The following PDE7B variants were observed in gnomAD, a reference collection of about 807,000 sequenced individuals.
PDE7B encodes 3',5'-cyclic-AMP phosphodiesterase 7B.
In PDE7B, 29 loss-of-function variants were observed where a neutral mutation model predicts 56.2. The ratio of observed to expected loss-of-function variants is 0.52; its 90% confidence interval spans 0.38 to 0.70. PDE7B has a LOEUF of 0.70. Ranked by LOEUF, PDE7B falls within the 30% of genes least tolerant of loss-of-function variation. PDE7B has a pLI of 0.00. For synonymous variants in PDE7B, 197 were observed against 196.9 expected, an observed-to-expected ratio of 1.00 and a Z score of 0.00; for missense variants, 490 against 565.0, an observed-to-expected ratio of 0.87 and a Z score of 1.35.
chr6:136,128,562 CA>C (rs1205182108), intron 3 of PDE7B, among the ~76,000 whole-genome samples: 8 of 151,778 alleles, frequency 5.3e-5, no homozygotes, highest in African/African-American at 1.9e-4. Context: ...GGGACCCCCC[CA>C]CCCCTGGGCA....
At chr6:135,921,572 A>T (rs1055250812) in intron 1 of PDE7B, among the ~76,000 whole-genome samples, 1 of 151,592 alleles carries the variant, frequency 6.6e-6, no homozygotes, top group Admixed American at 6.6e-5. Flanking sequence ...CATTCTGAAG[A>T]TTTTTTTTTC....
chr6:135,853,359 G>C (rs1338947515), intron 1 of PDE7B, among the ~76,000 whole-genome samples: 1 of 152,210 alleles, frequency 6.6e-6, no homozygotes, highest in Non-Finnish European at 1.5e-5. Context: ...CTGAAATGCA[G>C]AGGATGTGCC....
At chr6:136,088,200 T>C (rs925093016) in intron 2 of PDE7B, among the ~76,000 whole-genome samples, 4 of 152,202 alleles carry the variant, frequency 2.6e-5, no homozygotes, top group East Asian at 3.9e-4. Context: ...CAGATGGAGA[T>C]TGATGTCATC....
At chr6:135,897,017 A>T (rs566196523) in intron 1 of PDE7B, among the ~76,000 whole-genome samples, 1 of 152,270 alleles carries the variant, frequency 6.6e-6, no homozygotes, top group Admixed American at 6.5e-5. Context: ...AGACTCTCTG[A>T]TACCTCTCTC....
chr6:136,128,894 C>A (rs769881508), intron 3 of PDE7B, among the ~76,000 whole-genome samples: 2 of 152,166 alleles, frequency 1.3e-5, no homozygotes, highest in African/African-American at 2.4e-5. Context: ...TCTGCTCCCC[C>A]CAAAGCCACC....
Position 136,147,590 on chromosome 6 carries a change from T to C in PDE7B, c.318+88T>C. On this transcript the variant is annotated intron_variant, in intron 4 of 12. Transcript: ENST00000308191. ...TAGCACTGGTGTTGGAGTCCTACTC[T>C]GCCTCTGAGGAGCTCTGTGACCCTG... 3 of 1,093,276 alleles carry C rather than the reference T, an allele frequency of 2.7e-6. No homozygotes were observed. In the South Asian group the frequency reaches 4.2e-5, roughly 15 times the overall value. 67.7% of individuals were successfully genotyped at this position (1,093,276 alleles called of 1,614,324 possible).
chr6:136,097,745 A>G (rs1470030793), intron 2 of PDE7B, among the ~76,000 whole-genome samples: 1 of 152,100 alleles, frequency 6.6e-6, no homozygotes, highest in Non-Finnish European at 1.5e-5. Flanking sequence ...CCTACAAAGT[A>G]CTAACACTTC....
intron 2 of PDE7B, among the ~76,000 whole-genome samples, chr6:136,018,021 G>A (rs1267169721): frequency 1.3e-5 from 2 of 152,168 alleles, no homozygotes; most frequent in Non-Finnish European, 2.9e-5. Context: ...GACTATGATG[G>A]TAGTGGATAA....
At chr6:135,999,246 C>A (rs1775624067) in intron 2 of PDE7B, among the ~76,000 whole-genome samples, 1 of 152,004 alleles carries the variant, frequency 6.6e-6, no homozygotes, top group Non-Finnish European at 1.5e-5. Context: ...AGCTATAGAA[C>A]CTTTGTTTAC....
chr6:135,886,781 G>A (rs1390403048), intron 1 of PDE7B, among the ~76,000 whole-genome samples: 1 of 152,076 alleles, frequency 6.6e-6, no homozygotes, highest in Non-Finnish European at 1.5e-5. Flanking sequence ...TGGGTACTTA[G>A]GTTGGTTCCA....
intron 2 of PDE7B, chr6:136,034,508 G>A (rs1167935917): frequency 1.3e-5 from 2 of 152,122 alleles, no homozygotes; most frequent in Non-Finnish European, 2.9e-5. Context: ...CTTAGTGCAG[G>A]GGCTCAGTGG....
rs1313641474 is a variant in PDE7B at position 136,070,402 on chromosome 6, T to G, written c.83-38329T>G. On this transcript the variant is annotated intron_variant, in intron 2 of 12. Transcript: ENST00000308191. Reference sequence around the variant, plus strand: ...TCCAGTTAGAATATTTATTAATCTTTATAAATACCCATCCAATTTGCTTTC... The same window carrying G: ...TCCAGTTAGAATATTTATTAATCTTGATAAATACCCATCCAATTTGCTTTC... 3.9e-5 allele frequency: 6 copies of G among 152,290 alleles called. No individual in the cohort carries two copies. The East Asian group carries it at 7.7e-4, about 20-fold the overall frequency. 9.4% of individuals were successfully genotyped at this position (152,290 alleles called of 1,614,324 possible).
At chr6:136,125,645 A>G (rs1235624041) in intron 3 of PDE7B, among the ~76,000 whole-genome samples, 1 of 152,094 alleles carries the variant, frequency 6.6e-6, no homozygotes, top group Non-Finnish European at 1.5e-5. Context: ...TAAAAAAGAT[A>G]TTATGTAAGT....
intron 2 of PDE7B, chr6:136,037,599 C>T: frequency 2.0e-6 from 2 of 985,456 alleles, no homozygotes; most frequent in Non-Finnish European, 2.4e-6. Context: ...GCTCTGCAGA[C>T]TCTCAGCTTC....
chr6:135,981,639 C>A (rs1775298698), intron 2 of PDE7B, among the ~76,000 whole-genome samples: 1 of 151,024 alleles, frequency 6.6e-6, no homozygotes, highest in African/African-American at 2.4e-5. Context: ...TCTTCCACCT[C>A]CACATTTTTC....
At position 136,108,774 on chromosome 6, in the gene PDE7B, CCG is replaced by C; in HGVS notation, c.127_128del (p.Arg43TrpfsTer7). The C allele has an allele frequency of 6.2e-7, 1 of 1,611,830 alleles. No homozygotes were observed. The highest frequency in any genetic ancestry group is 8.5e-7 in the Non-Finnish European group (1 of 1,177,958). On this transcript the variant is annotated frameshift_variant, in exon 3 of 13. Coordinates refer to ENST00000308191, the MANE Select transcript of PDE7B (RefSeq NM_018945.4). LOFTEE classifies it high-confidence loss of function. ...GTCAGACGGGGGTTCGTGCTGAACG[CCG>C]TGGCTCCTACCCATTCATTGACTTC... ...RGQTGVRAERRGSYPFIDFRL... is the reference protein window; with the variant it reads ...RGQTGVRAERXGSYPFIDFRL...
At chr6:136,130,137 T>C (rs1778092270) in intron 3 of PDE7B, among the ~76,000 whole-genome samples, 1 of 152,146 alleles carries the variant, frequency 6.6e-6, no homozygotes, top group Non-Finnish European at 1.5e-5. Flanking sequence ...ATGCTTTACC[T>C]CATCTGGAAG....
At chr6:135,864,832 T>C (rs1775222093) in intron 1 of PDE7B, among the ~76,000 whole-genome samples, 1 of 152,102 alleles carries the variant, frequency 6.6e-6, no homozygotes, top group Admixed American at 6.6e-5. Flanking sequence ...AGGGTACATG[T>C]GCACAATGTG....
At chr6:136,024,602 G>C (rs775990993) in intron 2 of PDE7B, among the ~76,000 whole-genome samples, 1 of 152,100 alleles carries the variant, frequency 6.6e-6, no homozygotes, top group Non-Finnish European at 1.5e-5. Context: ...AGATACTTTG[G>C]AGGTGATGTT....
Sources: gnomAD v4.1 joint callset for allele counts (sites outside exome capture counted in the v4.1 genomes callset) on GRCh38, gnomAD v4.1.1 for gene constraint, MANE v1.5 for transcripts, NCBI Gene and HGNC (gene_info 2026-07-23, HGNC 2026-07-21) for gene names.